ANAPC7: variants seen among roughly 807,000 people sequenced by gnomAD.
The protein encoded by ANAPC7 is anaphase promoting complex subunit 7, also known as anaphase-promoting complex subunit 7.
Under a neutral mutation model 63.3 loss-of-function variants are expected in ANAPC7, and 25 were observed. That is an observed-to-expected ratio of 0.39 (90% CI 0.29 to 0.55). The LOEUF (loss-of-function observed/expected upper bound fraction) is 0.55. Ranked by LOEUF, ANAPC7 falls within the 20% of genes least tolerant of loss-of-function variation. The probability of loss-of-function intolerance (pLI) is 0.57; values close to 1 mark genes in which losing one functional copy is unlikely to be tolerated. For synonymous variants in ANAPC7, 241 were observed against 251.7 expected (o/e 0.96, Z 0.40); for missense variants, 516 against 691.7 (o/e 0.75, Z 2.85).
chr12:110,380,215 G>C (rs1394696980), intron 8 of ANAPC7, among the ~76,000 whole-genome samples: 2 of 152,062 alleles, frequency 1.3e-5, no homozygotes, highest in African/African-American at 2.4e-5. Context: ...GCTGGGTGTG[G>C]TGGTGTATGC....
At chr12:110,386,681 C>T in intron 5 of ANAPC7, 1 of 476,910 alleles carries the variant, frequency 2.1e-6, no homozygotes, top group Non-Finnish European at 3.7e-6. Flanking sequence ...TCAGTACCAA[C>T]AAATAACTCT....
At chr12:110,379,963 A>G (rs2137925592) in intron 8 of ANAPC7, among the ~76,000 whole-genome samples, 1 of 152,318 alleles carries the variant, frequency 6.6e-6, no homozygotes, top group East Asian at 1.9e-4. Flanking sequence ...GTCACAATGA[A>G]CAGACCCATT....
At chr12:110,390,364 G>GT (rs1262503050) in intron 3 of ANAPC7, among the ~76,000 whole-genome samples, 4 of 152,084 alleles carry the variant, frequency 2.6e-5, no homozygotes, top group Non-Finnish European at 4.4e-5. Flanking sequence ...GTGAGCCACC[G>GT]TGTCTGGCAA....
intron 1 of ANAPC7, among the ~76,000 whole-genome samples, chr12:110,396,911 C>A (rs2062147740): frequency 6.6e-6 from 1 of 152,072 alleles, no homozygotes; most frequent in South Asian, 2.1e-4. Flanking sequence ...TTTTTAAAAA[C>A]AGGCTGCACA....
chr12:110,381,885 C>T lies in ANAPC7; in HGVS notation c.999G>A (p.Gln333=), dbSNP rs1370618504. ...GAGCTTGAACACTATTACTGTTCAG[C>T]TGAATGGCCTTGGCTCCTAAATAGA... ...RALYLGAKAI[Q]LNSNSVQALL... Residue 333 remains glutamine, a synonymous_variant, in exon 8 of 11, where the codon CAG becomes CAA. Transcript: ENST00000455511. 14 of 1,578,194 alleles carry T rather than the reference C, an allele frequency of 8.9e-6. No homozygotes were observed. Among genetic ancestry groups the T allele is most frequent in the Admixed American group, 1.7e-5 (1 of 58,556 alleles).
At chr12:110,375,290 G>A (rs563610509) in intron 10 of ANAPC7, among the ~76,000 whole-genome samples, 1 of 152,264 alleles carries the variant, frequency 6.6e-6, no homozygotes, top group South Asian at 2.1e-4. Flanking sequence ...GGCATGGCCA[G>A]TCTGCATGTC....
Position 110,377,388 on chromosome 12 carries a change from C to T in ANAPC7, c.1357+5G>A. 1 of 1,610,666 alleles carries T rather than the reference C, an allele frequency of 6.2e-7. No homozygotes were observed. The highest frequency in any genetic ancestry group is 8.5e-7 in the Non-Finnish European group (1 of 1,177,224). ...TGAACAGGACAGAAAATAAGACACA[C>T]TTACTAAGTAGTTCTGCTTTTTTCA... On this transcript the variant is annotated splice_donor_5th_base_variant and intron_variant, in intron 9 of 10. Transcript: ENST00000455511.
intron 3 of ANAPC7, 60 bp downstream of exon 3, chr12:110,395,041 T>C (rs1416001936): frequency 3.2e-6 from 5 of 1,559,846 alleles, no homozygotes; most frequent in Non-Finnish European, 4.3e-6. Flanking sequence ...TGAGAAAACA[T>C]GGAGAGAGGG....
At chr12:110,387,954 G>A (rs1882761134) in intron 4 of ANAPC7, 62 bp from the exon 5 acceptor site, 1 of 1,571,026 alleles carries the variant, frequency 6.4e-7, no homozygotes, top group Non-Finnish European at 8.7e-7. Flanking sequence ...CACATGCAAG[G>A]AGCAACGGGC....
intron 3 of ANAPC7, among the ~76,000 whole-genome samples, chr12:110,391,724 T>C (rs1883099316): frequency 6.6e-6 from 1 of 152,110 alleles, no homozygotes; most frequent in Admixed American, 6.5e-5. Flanking sequence ...CCTACAAATA[T>C]CCACAGGTCA....
intron 10 of ANAPC7, chr12:110,375,758 C>G (rs1183669486): frequency 9.8e-7 from 1 of 1,015,326 alleles, no homozygotes; most frequent in African/African-American, 1.7e-5. Context: ...AAAATATATA[C>G]TAGGTACAGC....
At chr12:110,375,506 AT>A in intron 10 of ANAPC7, 1 of 964,670 alleles carries the variant, frequency 1.0e-6, no homozygotes, top group Middle Eastern at 5.3e-4. Flanking sequence ...TTTATTTAGC[AT>A]TTACTATGTA....
chr12:110,394,430 C>T (rs1334163633), intron 3 of ANAPC7, among the ~76,000 whole-genome samples: 3 of 151,776 alleles, frequency 2.0e-5, no homozygotes, highest in Non-Finnish European at 4.4e-5. Flanking sequence ...AGTTCAAGAC[C>T]AGCCTGGCCA....
chr12:110,386,091 C>T (rs1882426718), intron 6 of ANAPC7, among the ~76,000 whole-genome samples: 1 of 151,940 alleles, frequency 6.6e-6, no homozygotes, highest in African/African-American at 2.4e-5. Context: ...GAAAAAAAGC[C>T]AAATAATGAT....
chr12:110,376,339 C>T (rs978131786), intron 9 of ANAPC7, 123 bp from the exon 10 acceptor site: 2 of 1,034,056 alleles, frequency 1.9e-6, no homozygotes, highest in Admixed American at 2.4e-5. Context: ...AGGGCAAGCA[C>T]ACCTGAAGCC....
intron 1 of ANAPC7, among the ~76,000 whole-genome samples, chr12:110,402,630 G>A (rs1015854509): frequency 2.0e-5 from 3 of 152,124 alleles, no homozygotes; most frequent in African/African-American, 7.2e-5. Flanking sequence ...CACTACGCCC[G>A]GCCAATAAAG....
intron 3 of ANAPC7, among the ~76,000 whole-genome samples, chr12:110,391,061 G>A (rs1165569805): frequency 2.6e-5 from 4 of 152,016 alleles, no homozygotes; most frequent in South Asian, 2.1e-4. Flanking sequence ...GCAGCGGTAC[G>A]CGCCTGTAGT....
chr12:110,375,340 C>T lies in ANAPC7; in HGVS notation c.1508+726G>A, dbSNP rs115691916. ...CCCGAAACATAGCATCTCCAGTTGT[C>T]ACTGAGATGCTAGGCACACAAGTGG... On this transcript the variant is annotated intron_variant, in intron 10 of 10. Coordinates refer to ENST00000455511, the MANE Select transcript of ANAPC7 (RefSeq NM_016238.3). 3,158 of 833,024 alleles carry T rather than the reference C, an allele frequency of 3.8e-3. 93 individuals carry two copies. The African/African-American group carries it at 0.055, about 15-fold the overall frequency. 51.6% of individuals were successfully genotyped at this position (833,024 alleles called of 1,614,324 possible). A position where few individuals can be genotyped will look rare whatever the true frequency, so the allele number is the denominator to read the frequency against.
At chr12:110,397,391 A>G (rs1391580752) in intron 1 of ANAPC7, among the ~76,000 whole-genome samples, 2 of 150,500 alleles carry the variant, frequency 1.3e-5, no homozygotes, top group African/African-American at 4.9e-5. Context: ...CAGCTCTACT[A>G]AAAATACAAA....
Sources: gnomAD v4.1 joint callset for allele counts (sites outside exome capture counted in the v4.1 genomes callset) on GRCh38, gnomAD v4.1.1 for gene constraint, MANE v1.5 for transcripts, NCBI Gene and HGNC (gene_info 2026-07-23, HGNC 2026-07-21) for gene names.